MBD5: variants seen among roughly 807,000 people sequenced by gnomAD.
MBD5 encodes the protein methyl-CpG-binding domain protein 5.
MBD5 carries 13 observed loss-of-function variants against 117.3 expected under a neutral mutation model. The observed-to-expected ratio is 0.11, with a 90% CI of 0.07 to 0.18. MBD5 has a LOEUF of 0.18. Ranked by LOEUF, MBD5 falls within the 10% of genes least tolerant of loss-of-function variation. The probability of loss-of-function intolerance (pLI) is 1.00; values close to 1 mark genes in which losing one functional copy is unlikely to be tolerated. For missense variants in MBD5, 1,879 were observed against 2,093.8 expected, an observed-to-expected ratio of 0.90 and a Z score of 2.00; for synonymous variants, 727 against 766.4, an observed-to-expected ratio of 0.95 and a Z score of 0.85.
intron 4 of MBD5, among the ~76,000 whole-genome samples, chr2:148,370,769 A>C (rs905970308): frequency 3.3e-5 from 5 of 152,214 alleles, no homozygotes; most frequent in Non-Finnish European, 7.3e-5. Context: ...GATTACAGGC[A>C]TGAGTCTCCA....
In MBD5 at chr2:148,199,270, A is replaced by C. The variant is rs576777055; in HGVS notation, c.-831+20477A>C. Among the ~76,000 whole-genome samples, 14 of 152,210 alleles carry C rather than the reference A, an allele frequency of 9.2e-5. No individual in the cohort carries two copies. In the East Asian group the frequency reaches 2.7e-3, roughly 29 times the overall value. On this transcript the variant is annotated intron_variant, in intron 2 of 13. Transcript: ENST00000642680. ...CTAAAGTCAGCTGATTGTAGGTATT[A>C]ACCCCAGTATTGTTTAACTGAATAA...
chr2:148,470,542 AT>A, intron 8 of MBD5, 81 bp downstream of exon 8: 2 of 1,044,054 alleles, frequency 1.9e-6, no homozygotes, highest in East Asian at 5.2e-5. Flanking sequence ...AATATTTATT[AT>A]GATAAGAAAT....
chr2:148,490,180 T>C lies in MBD5; in HGVS notation c.4548T>C (p.Thr1516=), dbSNP rs1681478115. The C allele has an allele frequency of 6.2e-7, 1 of 1,613,860 alleles. No homozygotes were observed. The highest frequency in any genetic ancestry group is 1.1e-5 in the South Asian group (1 of 91,062). ...GTTTTAAGGAGAGACTAGAGAACAC[T>C]GTGGAAAGATGTGCACACATAAATG... The part of the protein sequence containing the change: ...MMSFKERLEN[T]VERCAHINGN... Residue 1516 remains threonine, a synonymous_variant, in exon 11 of 14, where the codon ACT becomes ACC. Coordinates refer to ENST00000642680, the MANE Select transcript of MBD5 (RefSeq NM_001378120.1).
chr2:148,086,160 A>C (rs1037700848), intron 1 of MBD5, among the ~76,000 whole-genome samples: 4 of 150,238 alleles, frequency 2.7e-5, no homozygotes, highest in South Asian at 2.1e-4. Flanking sequence ...AAATATATAC[A>C]TGGTATATAT....
chr2:148,217,656 A>G (rs1699588302), intron 2 of MBD5, among the ~76,000 whole-genome samples: 1 of 151,998 alleles, frequency 6.6e-6, no homozygotes, highest in Non-Finnish European at 1.5e-5. Flanking sequence ...TCTGAATGGC[A>G]CTCGAATGTT....
chr2:148,432,641 C>T (rs1028263899), intron 4 of MBD5, among the ~76,000 whole-genome samples: 1 of 151,920 alleles, frequency 6.6e-6, no homozygotes. Flanking sequence ...CCCCATTTCT[C>T]GTTGTTGTCA....
chr2:148,458,718 T>C lies in MBD5; in HGVS notation c.-41T>C. 6.7e-7 allele frequency: 1 copy of C among 1,492,686 alleles called. No individual in the cohort carries two copies. The highest frequency in any genetic ancestry group is 9.4e-7 in the Non-Finnish European group (1 of 1,069,398). 92.5% of individuals were successfully genotyped at this position (1,492,686 alleles called of 1,614,324 possible). A position where few individuals can be genotyped will look rare whatever the true frequency, so the allele number is the denominator to read the frequency against. ...GCTCTGTAATATAAGGATATCATCT[T>C]ATTGCTGATATCTTTGGAGAGTCCC... On this transcript the variant is annotated 5_prime_UTR_variant, in exon 5 of 14. Coordinates refer to ENST00000642680, the MANE Select transcript of MBD5 (RefSeq NM_001378120.1).
intron 4 of MBD5, among the ~76,000 whole-genome samples, chr2:148,414,995 C>A (rs766508731): frequency 6.6e-6 from 1 of 152,140 alleles, no homozygotes. Context: ...GAATTGGATC[C>A]TGTTATATTG....
intron 1 of MBD5, among the ~76,000 whole-genome samples, chr2:148,124,885 AAT>A (rs1324777744): frequency 5.3e-5 from 8 of 151,460 alleles, no homozygotes; most frequent in Non-Finnish European, 8.8e-5. Context: ...AAAGAATAAA[AAT>A]ATATGTACAT....
intron 4 of MBD5, among the ~76,000 whole-genome samples, chr2:148,430,359 G>C (rs1029561943): frequency 6.6e-6 from 1 of 152,074 alleles, no homozygotes; most frequent in Non-Finnish European, 1.5e-5. Context: ...TAGCAGTCTG[G>C]ATCCAGAAAT....
At chr2:148,229,260 C>T (rs1172621039) in intron 2 of MBD5, among the ~76,000 whole-genome samples, 1 of 151,954 alleles carries the variant, frequency 6.6e-6, no homozygotes, top group Non-Finnish European at 1.5e-5. Context: ...AGCTTGATCA[C>T]ACCTGCTATT....
At chr2:148,415,271 T>C (rs560232921) in intron 4 of MBD5, among the ~76,000 whole-genome samples, 1 of 152,296 alleles carries the variant, frequency 6.6e-6, no homozygotes, top group Admixed American at 6.5e-5. Flanking sequence ...ATTTCTTTTT[T>C]TTAAGGATCC....
chr2:148,429,649 T>G (rs1305537993), intron 4 of MBD5, among the ~76,000 whole-genome samples: 1 of 152,106 alleles, frequency 6.6e-6, no homozygotes, highest in East Asian at 1.9e-4. Context: ...ATATACACCA[T>G]GGAATGCTAT....
intron 1 of MBD5, among the ~76,000 whole-genome samples, chr2:148,101,528 AACT>A (rs760156162): frequency 9.2e-5 from 14 of 152,174 alleles, no homozygotes; most frequent in African/African-American, 1.4e-4. Flanking sequence ...ATAGTGATAA[AACT>A]ACTGCTTATG....
Position 148,458,614 on chromosome 2 carries a change from C to G in MBD5, c.-145C>G. ...CATATTTCAAGGACTTGGTTCCAAACTGAGCTGAAGCTTCCCAATGCGTTT... is the reference window on the plus strand; with the variant it reads ...CATATTTCAAGGACTTGGTTCCAAAGTGAGCTGAAGCTTCCCAATGCGTTT... On this transcript the variant is annotated 5_prime_UTR_variant, in exon 5 of 14. Coordinates refer to ENST00000642680, the MANE Select transcript of MBD5 (RefSeq NM_001378120.1). 4.2e-6 allele frequency: 3 copies of G among 707,238 alleles called. No homozygotes were observed. Among genetic ancestry groups the G allele is most frequent in the Non-Finnish European group, 7.7e-6 (3 of 388,070 alleles). 43.8% of individuals were successfully genotyped at this position (707,238 alleles called of 1,614,324 possible).
rs143854410 is a variant in MBD5 at position 148,485,866 on chromosome 2, G to T, written c.3669G>T (p.Gln1223His). The change falls in exon 10 of 14, where the codon CAG becomes CAT. Residue 1223 changes from glutamine to histidine, a missense_variant. By Grantham distance (24) the Gln-to-His change is conservative. Transcript: ENST00000642680. ...QQQQQLLQGY[Q>H]NLQAFQGQST... is the part of the protein sequence containing the mutation. ...AGCAGCAACTTCTCCAGGGGTACCAGAATCTCCAGGCGTTCCAAGGACAGT... is the reference window on the plus strand; with the variant it reads ...AGCAGCAACTTCTCCAGGGGTACCATAATCTCCAGGCGTTCCAAGGACAGT... The T allele has an allele frequency of 6.2e-7, 1 of 1,614,100 alleles. No homozygotes were observed. Among genetic ancestry groups the T allele is most frequent in the African/African-American group, 1.3e-5 (1 of 75,036 alleles).
chr2:148,322,105 C>T (rs11677584), intron 3 of MBD5, among the ~76,000 whole-genome samples: 30,832 of 152,092 alleles, frequency 0.2, 3,257 homozygotes, highest in African/African-American at 0.21. Flanking sequence ...TCTGGAGAAG[C>T]TCATAGGCTA....
At chr2:148,281,375 T>G in intron 3 of MBD5, among the ~76,000 whole-genome samples, 1 of 152,190 alleles carries the variant, frequency 6.6e-6, no homozygotes, top group East Asian at 1.9e-4. Flanking sequence ...ACTAGGATTT[T>G]CTTTTTCAAA....
intron 4 of MBD5, among the ~76,000 whole-genome samples, chr2:148,415,504 T>C (rs900330406): frequency 6.6e-6 from 1 of 152,194 alleles, no homozygotes; most frequent in Non-Finnish European, 1.5e-5. Flanking sequence ...ATTTGAATGT[T>C]GGCCTCTCTA....
Sources: gnomAD v4.1 joint callset for allele counts (sites outside exome capture counted in the v4.1 genomes callset) on GRCh38, gnomAD v4.1.1 for gene constraint, MANE v1.5 for transcripts, NCBI Gene and HGNC (gene_info 2026-07-23, HGNC 2026-07-21) for gene names.